NAGPA: variants seen among roughly 807,000 people sequenced by gnomAD.
NAGPA encodes N-acetylglucosamine-1-phosphodiester alpha-N-acetylglucosaminidase, also known as alpha-N-acetylglucosaminyl phosphodiesterase.
Under a neutral mutation model 48.5 loss-of-function variants are expected in NAGPA, and 56 were observed. That is an observed-to-expected ratio of 1.15 (90% confidence interval 0.93 to 1.44). The LOEUF (loss-of-function observed/expected upper bound fraction) is 1.44, where lower values mean the gene tolerates loss of function less well. Among genes scored for constraint, NAGPA ranks in the 40% most tolerant of loss-of-function variants. The pLI, the probability that NAGPA is intolerant of heterozygous loss-of-function variation, is 0.00. For synonymous variants in NAGPA, 399 were observed against 315.5 expected, an observed-to-expected ratio of 1.26 and a Z score of -2.81; for missense variants, 888 against 735.0, an observed-to-expected ratio of 1.21 and a Z score of -2.41.
At position 5,033,747 on chromosome 16, in the gene NAGPA, G is replaced by T. The variant is rs907440670; in HGVS notation, c.87-19C>A. On this transcript the variant is annotated intron_variant, in intron 1 of 9. Coordinates refer to ENST00000312251, the MANE Select transcript of NAGPA (RefSeq NM_016256.4). This position sits in a 1 kb window ranked among gnomAD's most constrained non-coding sequence, Gnocchi z 4.2. Reference sequence around the variant, plus strand: ...GGAGGCCCTGCGGGGACGGGCGGCCGTGAGCTCAGGGGGCTGTCCTCGTGA... The same window carrying T: ...GGAGGCCCTGCGGGGACGGGCGGCCTTGAGCTCAGGGGGCTGTCCTCGTGA... 2 of 1,598,298 alleles carry T rather than the reference G, an allele frequency of 1.3e-6. No homozygotes were observed. Among genetic ancestry groups the T allele is most frequent in the Non-Finnish European group, 1.7e-6 (2 of 1,174,054 alleles).
Position 5,033,583 on chromosome 16 carries a change from C to G in NAGPA, c.232G>C (p.Val78Leu). 3.4e-6 allele frequency: 5 copies of G among 1,484,124 alleles called. No individual in the cohort carries two copies. The highest frequency in any genetic ancestry group is 4.4e-6 in the Non-Finnish European group (5 of 1,128,476). The allele number at this position is 1,484,124 out of a possible 1,614,324, so 91.9% of individuals were successfully genotyped here. A position where few individuals can be genotyped will look rare whatever the true frequency, so the allele number is the denominator to read the frequency against. ...CTGAAGTGCGACACGAAGGTGCGCA[C>G]GGCCAGACCGCCGGCGCCGGGAGTC... is the stretch of plus-strand genomic sequence containing the variant. ...PATPGAGGLA[V>L]RTFVSHFRDR... Residue 78 changes from valine to leucine, a missense_variant, in exon 2 of 10, where the codon GTG (valine) becomes CTG (leucine). Physicochemically the swap from Val to Leu is conservative, Grantham distance 32 (BLOSUM62 1). Transcript: ENST00000312251. The surrounding 1 kb of genome is among the most constrained non-coding windows in gnomAD (Gnocchi z 4.2).
At position 5,025,027 on chromosome 16, in the gene NAGPA, G is replaced by C. The variant is rs1226115367; in HGVS notation, c.*451C>G. On this transcript the variant is annotated 3_prime_UTR_variant, in exon 10 of 10. Coordinates refer to ENST00000312251, the MANE Select transcript of NAGPA (RefSeq NM_016256.4). ...TTCTAGTTGGCAAATCCAGTGATGA[G>C]GTCTGTAGAAAAGGGGTCCCGTGTC... is the stretch of plus-strand genomic sequence containing the variant. 1 of 195,368 alleles carries C rather than the reference G, an allele frequency of 5.1e-6. No homozygotes were observed. The highest frequency in any genetic ancestry group is 1.1e-5 in the Non-Finnish European group (1 of 93,216). The allele number at this position is 195,368 out of a possible 1,614,324, so 12.1% of individuals were successfully genotyped here. A position where few individuals can be genotyped will look rare whatever the true frequency, so the allele number is the denominator to read the frequency against.
intron 2 of NAGPA, among the ~76,000 whole-genome samples, chr16:5,032,808 G>A (rs542172113): frequency 6.6e-6 from 1 of 152,172 alleles, no homozygotes; most frequent in South Asian, 2.1e-4. Context: ...GGACTGAAAC[G>A]CTCTTCCTCC....
rs1315114572 is a variant in NAGPA, at chr16:5,030,602, C to T, written c.683-109G>A. The T allele has an allele frequency of 1.1e-5, 10 of 883,744 alleles. No individual in the cohort carries two copies. The East Asian group carries it at 2.4e-4, about 21-fold the overall frequency. 54.7% of individuals were successfully genotyped at this position (883,744 alleles called of 1,614,324 possible). A position where few individuals can be genotyped will look rare whatever the true frequency, so the allele number is the denominator to read the frequency against. ...CTACCTGGTACCTCCCTGGGAAGCA[C>T]AGCAGCCTCCTTGCTCGTCTCCCTG... On this transcript the variant is annotated intron_variant, in intron 3 of 9. Coordinates refer to ENST00000312251, the MANE Select transcript of NAGPA (RefSeq NM_016256.4).
At chr16:5,028,326 A>C in intron 5 of NAGPA, 141 bp from the exon 6 acceptor site, 3 of 1,486,094 alleles carry the variant, frequency 2.0e-6, no homozygotes, top group Non-Finnish European at 2.7e-6. Flanking sequence ...TATTTTTGAG[A>C]TGAGGTATTG....
intron 7 of NAGPA, 22 bp downstream of exon 7, chr16:5,027,824 C>A (rs1323570167): frequency 6.4e-7 from 1 of 1,553,802 alleles, no homozygotes; most frequent in African/African-American, 1.4e-5. Context: ...TCCCCATCCG[C>A]TAGTGGCGTG....
At position 5,033,195 on chromosome 16, in the gene NAGPA, C is replaced by G; in HGVS notation, c.542+78G>C. ...ACAGGGGCTCAGCTTGGTTAAGTGACTTGAACACGGAGGCACGGCTACAAC... is the reference window on the plus strand; with the variant it reads ...ACAGGGGCTCAGCTTGGTTAAGTGAGTTGAACACGGAGGCACGGCTACAAC... On this transcript the variant is annotated intron_variant, in intron 2 of 9. Coordinates refer to ENST00000312251, the MANE Select transcript of NAGPA (RefSeq NM_016256.4). This position sits in a 1 kb window ranked among gnomAD's most constrained non-coding sequence, Gnocchi z 4.2. 1 of 1,502,464 alleles carries G rather than the reference C, an allele frequency of 6.7e-7. No individual in the cohort carries two copies. 93.1% of individuals were successfully genotyped at this position (1,502,464 alleles called of 1,614,324 possible).
chr16:5,027,398 AGG>A lies in NAGPA; in HGVS notation c.1175-21_1175-20del. On this transcript the variant is annotated intron_variant, in intron 7 of 9. Coordinates refer to ENST00000312251, the MANE Select transcript of NAGPA (RefSeq NM_016256.4). The stretch of plus-strand genomic sequence containing the variant: ...GGACACTCTATGGAAAGGAGATGGG[AGG>A]AGGGAGGAGGGAGGAGAAAGGTTGG... The A allele has an allele frequency of 1.8e-6, 1 of 557,294 alleles. No homozygotes were observed. Among genetic ancestry groups the A allele is most frequent in the Non-Finnish European group, 2.6e-6 (1 of 388,904 alleles). 34.5% of individuals were successfully genotyped at this position (557,294 alleles called of 1,614,324 possible). A position where few individuals can be genotyped will look rare whatever the true frequency, so the allele number is the denominator to read the frequency against.
chr16:5,031,238 TG>T (rs1481636395), intron 3 of NAGPA: 1 of 197,760 alleles, frequency 5.1e-6, no homozygotes, highest in Non-Finnish European at 1.1e-5. Flanking sequence ...CCTAGCTTAC[TG>T]CCCACTCTAA....
rs761805447 is a variant in NAGPA, at chr16:5,031,823, C to A, written c.604G>T (p.Val202Phe). The A allele has an allele frequency of 6.2e-7, 1 of 1,614,156 alleles. No homozygotes were observed. The highest frequency in any genetic ancestry group is 8.5e-7 in the Non-Finnish European group (1 of 1,180,032). Residue 202 changes from valine to phenylalanine, a missense_variant, in exon 3 of 10, where the codon GTC becomes TTC. Transcript: ENST00000312251. ...ENPFVQLLSG[V>F]VWLIRNGSIY... Reference sequence around the variant, plus strand: ...CTTCCATTACGAATCAGCCACACGACCCCACTCAGCAGCTGCACAAATGGG... The same window carrying A: ...CTTCCATTACGAATCAGCCACACGAACCCACTCAGCAGCTGCACAAATGGG...
intron 9 of NAGPA, among the ~76,000 whole-genome samples, chr16:5,026,553 A>C (rs1282435900): frequency 6.6e-6 from 1 of 152,152 alleles, no homozygotes; most frequent in East Asian, 1.9e-4. Flanking sequence ...AGTTTAAAAA[A>C]ATGTGAATGT....
intron 2 of NAGPA, among the ~76,000 whole-genome samples, chr16:5,032,801 C>T (rs1956125629): frequency 6.6e-6 from 1 of 152,060 alleles, no homozygotes; most frequent in East Asian, 1.9e-4. Context: ...TTCCTTTGGA[C>T]TGAAACGCTC....
chr16:5,028,322 T>G (rs1265840511), intron 5 of NAGPA, 137 bp from the exon 6 acceptor site: 8 of 1,497,024 alleles, frequency 5.3e-6, no homozygotes, highest in Non-Finnish European at 7.3e-6. Context: ...TATCTATTTT[T>G]GAGATGAGGT....
At chr16:5,025,719 T>C in intron 9 of NAGPA, 34 bp from the exon 10 acceptor site, 1 of 1,565,324 alleles carries the variant, frequency 6.4e-7, no homozygotes, top group Non-Finnish European at 8.7e-7. Flanking sequence ...AGTGGGGGAC[T>C]GCTGGGTGGG....
chr16:5,027,824 C>T, intron 7 of NAGPA, 22 bp downstream of exon 7: 1 of 1,553,802 alleles, frequency 6.4e-7, no homozygotes, highest in Non-Finnish European at 8.7e-7. Context: ...TCCCCATCCG[C>T]TAGTGGCGTG....
intron 9 of NAGPA, among the ~76,000 whole-genome samples, chr16:5,026,774 G>A (rs189537945): frequency 6.6e-6 from 1 of 152,298 alleles, no homozygotes. Context: ...GGGGGCACGT[G>A]CCTGTCGTCC....
chr16:5,028,005 G>A lies in NAGPA; in HGVS notation c.1101C>T (p.Cys367=), dbSNP rs200053581. 32 of 1,613,128 alleles carry A rather than the reference G, an allele frequency of 2.0e-5. No individual in the cohort carries two copies. The highest frequency in any genetic ancestry group is 3.3e-4 in the Middle Eastern group (2 of 6,082). ...CDELDCGPSN[C]SQHGLCTETG... Reference sequence around the variant, plus strand: ...TCTCCGTGCACAGTCCGTGCTGGCTGCAGTTAGAGGGGCCACAGTCCAGCT... The same window carrying A: ...TCTCCGTGCACAGTCCGTGCTGGCTACAGTTAGAGGGGCCACAGTCCAGCT... The change falls in exon 6 of 10, where the codon TGC becomes TGT. Residue 367 remains cysteine, a synonymous_variant. Transcript: ENST00000312251.
chr16:5,033,599 G>C lies in NAGPA; in HGVS notation c.216C>G (p.Gly72=), dbSNP rs562336915. The C allele has an allele frequency of 5.4e-6, 8 of 1,491,560 alleles. No homozygotes were observed. The South Asian group carries it at 1.0e-4, about 19-fold the overall frequency. 92.4% of individuals were successfully genotyped at this position (1,491,560 alleles called of 1,614,324 possible). A position where few individuals can be genotyped will look rare whatever the true frequency, so the allele number is the denominator to read the frequency against. The change falls in exon 2 of 10, where the codon GGC becomes GGG. Residue 72 remains glycine (G), a synonymous_variant. Transcript: ENST00000312251. The surrounding 1 kb of genome is among the most constrained non-coding windows in gnomAD (Gnocchi z 4.2). Reference sequence around the variant, plus strand: ...AGGTGCGCACGGCCAGACCGCCGGCGCCGGGAGTCGCGGGAGGCGGAGGCC... The same window carrying C: ...AGGTGCGCACGGCCAGACCGCCGGCCCCGGGAGTCGCGGGAGGCGGAGGCC... ...ESWPPPPATP[G]AGGLAVRTFV... is the part of the protein sequence containing the mutation.
At position 5,027,956 on chromosome 16, in the gene NAGPA, C is replaced by A. The variant is rs768509892; in HGVS notation, c.1126+24G>T. 1.8e-5 allele frequency: 29 copies of A among 1,613,726 alleles called. 1 individual carries two copies. The highest frequency in any genetic ancestry group is 2.2e-5 in the East Asian group (1 of 44,876). On this transcript the variant is annotated intron_variant, in intron 6 of 9. Transcript: ENST00000312251. ...AGGGCAAGGCAGGGCTGGGCAGAGC[C>A]CCCTCCCCAGAACCCCCACTCACTC... is the stretch of plus-strand genomic sequence containing the variant.
Sources: allele counts gnomAD v4.1 joint callset (sites outside exome capture counted in the v4.1 genomes callset), GRCh38; gene constraint gnomAD v4.1.1; non-coding constraint Gnocchi (gnomAD v3.1); transcripts MANE v1.5; gene names NCBI Gene and HGNC (gene_info 2026-07-23, HGNC 2026-07-21).